EYS: variants seen among roughly 807,000 people sequenced by gnomAD.
The protein encoded by EYS is protein eyes shut homolog.
EYS carries 250 observed loss-of-function variants against 282.1 expected under a neutral mutation model. The ratio of observed to expected loss-of-function variants is 0.89; its 90% CI spans 0.80 to 0.98. EYS has a LOEUF of 0.98. Ranked by LOEUF, EYS falls within the 50% of genes least tolerant of loss-of-function variation. The pLI, the probability that EYS is intolerant of heterozygous loss-of-function variation, is 0.00. For missense variants in EYS, 4,016 were observed against 3,709.0 expected (o/e 1.08, Z -2.15); for synonymous variants, 1,355 against 1,282.9 (o/e 1.06, Z -1.20).
intron 12 of EYS, among the ~76,000 whole-genome samples, chr6:65,123,668 G>A (rs1299915027): frequency 2.6e-5 from 4 of 151,950 alleles, no homozygotes; most frequent in Admixed American, 2.6e-4. Context: ...CTTTTCAAAA[G>A]TGAAAGCAGC....
intron 26 of EYS, among the ~76,000 whole-genome samples, chr6:64,577,823 T>C (rs1339973827): frequency 6.6e-6 from 1 of 152,164 alleles, no homozygotes; most frequent in Non-Finnish European, 1.5e-5. Context: ...TTATAGCTGA[T>C]AAAAATTTCT....
At chr6:64,811,756 A>C (rs536689660) in intron 22 of EYS, among the ~76,000 whole-genome samples, 1 of 152,214 alleles carries the variant, frequency 6.6e-6, no homozygotes, top group South Asian at 2.1e-4. Context: ...TGAAACCCTC[A>C]TCAGAAGCCA....
intron 31 of EYS, among the ~76,000 whole-genome samples, chr6:64,190,138 G>A (rs892555627): frequency 1.3e-5 from 2 of 152,148 alleles, no homozygotes; most frequent in Non-Finnish European, 2.9e-5. Flanking sequence ...TGAAGGTACC[G>A]ATAAGTAAGC....
chr6:64,153,068 CTG>C (rs1160134928), intron 31 of EYS, among the ~76,000 whole-genome samples: 2 of 152,150 alleles, frequency 1.3e-5, no homozygotes, highest in Non-Finnish European at 2.9e-5. Context: ...CTAATAATAA[CTG>C]TGCTATGCCA....
chr6:65,396,613 G>T (rs1443242060), intron 7 of EYS, among the ~76,000 whole-genome samples: 1 of 152,068 alleles, frequency 6.6e-6, no homozygotes, highest in Non-Finnish European at 1.5e-5. Flanking sequence ...GGGTATATGA[G>T]TAAATTACAC....
intron 28 of EYS, among the ~76,000 whole-genome samples, chr6:64,407,308 G>T (rs1369106537): frequency 6.6e-6 from 1 of 151,968 alleles, no homozygotes; most frequent in Non-Finnish European, 1.5e-5. Flanking sequence ...TGGGGTGGGG[G>T]GCTGGGTGCG....
At position 65,003,292 on chromosome 6, in the gene EYS, C is replaced by T. The variant is rs952571039; in HGVS notation, c.2138-5589G>A. 4.1e-5 allele frequency among the ~76,000 whole-genome samples: 6 copies of T among 147,156 alleles called. 1 individual carries two copies. Among genetic ancestry groups the T allele is most frequent in the South Asian group, 2.2e-4 (1 of 4,526 alleles). ...CATCTCTTATGGTTGAGACTGCAGG[C>T]GTGAAATAGACCCCAGTCTCCCACA... On this transcript the variant is annotated intron_variant, in intron 13 of 42. Transcript: ENST00000503581.
At chr6:64,257,828 A>G (rs1055089001) in intron 30 of EYS, among the ~76,000 whole-genome samples, 1 of 151,966 alleles carries the variant, frequency 6.6e-6, no homozygotes, top group Non-Finnish European at 1.5e-5. Context: ...AGCAACCGTG[A>G]TCATTATTCC....
chr6:65,463,492 T>G (rs1344152487), intron 5 of EYS, among the ~76,000 whole-genome samples: 4 of 152,172 alleles, frequency 2.6e-5, no homozygotes, highest in Admixed American at 2.0e-4. Context: ...AACATAAAAT[T>G]ATTTATATTT....
chr6:65,281,726 G>C (rs1162504036), intron 12 of EYS, among the ~76,000 whole-genome samples: 2 of 151,990 alleles, frequency 1.3e-5, no homozygotes, highest in African/African-American at 4.8e-5. Flanking sequence ...AAAGAGAATA[G>C]GTATGGATTG....
chr6:64,006,161 A>G (rs138843471), intron 33 of EYS, among the ~76,000 whole-genome samples: 285 of 151,918 alleles, frequency 1.9e-3, no homozygotes, highest in African/African-American at 6.6e-3. Context: ...AGTGTTTGTA[A>G]TTCTCCTTGT....
intron 22 of EYS, among the ~76,000 whole-genome samples, chr6:64,729,970 G>T (rs1230127012): frequency 1.3e-5 from 2 of 152,150 alleles, no homozygotes; most frequent in Admixed American, 6.6e-5. Flanking sequence ...AGCATCCAGT[G>T]AGAAAATATA....
At chr6:65,511,526 A>T (rs1013849256) in intron 2 of EYS, among the ~76,000 whole-genome samples, 3 of 152,174 alleles carry the variant, frequency 2.0e-5, no homozygotes, top group Non-Finnish European at 4.4e-5. Context: ...AACTGCTAAT[A>T]ATATGATGTG....
At chr6:65,374,911 C>G (rs1211757058) in intron 8 of EYS, among the ~76,000 whole-genome samples, 1 of 152,146 alleles carries the variant, frequency 6.6e-6, no homozygotes, top group Non-Finnish European at 1.5e-5. Flanking sequence ...ACTCCCACCT[C>G]CCTAGGACAG....
In EYS at chr6:65,249,489, G is replaced by A. The variant is rs375115371; in HGVS notation, c.2023+46374C>T. On this transcript the variant is annotated intron_variant, in intron 12 of 42. Coordinates refer to ENST00000503581, the MANE Select transcript of EYS (RefSeq NM_001142800.2). ...ACCCTAAAGAGTTAGAATTTTATTG[G>A]AAAAATTCTCACTTAAATAGCAAAA... 4.0e-3 allele frequency among the ~76,000 whole-genome samples: 601 copies of A among 150,582 alleles called. 6 individuals are homozygous for A. The highest frequency in any genetic ancestry group is 0.014 in the African/African-American group (570 of 41,074).
intron 15 of EYS, among the ~76,000 whole-genome samples, chr6:64,932,388 A>G (rs1398993626): frequency 6.6e-6 from 1 of 152,062 alleles, no homozygotes; most frequent in Non-Finnish European, 1.5e-5. Context: ...ATAAAAAACC[A>G]TATATCTAGG....
intron 12 of EYS, among the ~76,000 whole-genome samples, chr6:65,129,975 C>T (rs1775824835): frequency 6.6e-6 from 1 of 151,572 alleles, no homozygotes; most frequent in Non-Finnish European, 1.5e-5. Flanking sequence ...CTTATATAGC[C>T]ATAAAAAGAA....
chr6:64,595,978 T>C (rs1313039004), intron 24 of EYS, among the ~76,000 whole-genome samples: 2 of 152,168 alleles, frequency 1.3e-5, no homozygotes, highest in Non-Finnish European at 2.9e-5. Context: ...TCTGCTTGGC[T>C]TCTAAGAATG....
intron 35 of EYS, among the ~76,000 whole-genome samples, chr6:63,960,666 A>G (rs567146635): frequency 7.5e-4 from 114 of 152,288 alleles, no homozygotes; most frequent in African/African-American, 2.7e-3. Flanking sequence ...CTGGTTAGTC[A>G]GCAGTGATCA....
Sources: allele counts gnomAD v4.1 joint callset (sites outside exome capture counted in the v4.1 genomes callset), GRCh38; gene constraint gnomAD v4.1.1; transcripts MANE v1.5; gene names NCBI Gene and HGNC (gene_info 2026-07-23, HGNC 2026-07-21).